Variants in SOX5 observed in about 807,000 individuals in gnomAD.
SOX5 encodes transcription factor SOX-5.
In SOX5, 9 loss-of-function variants were observed where a neutral mutation model predicts 92.0. The ratio of observed to expected loss-of-function variants is 0.10; its 90% confidence interval spans 0.06 to 0.17. SOX5 has a LOEUF of 0.17. Among genes scored for constraint, SOX5 ranks in the 10% least tolerant of loss-of-function variants. SOX5 has a pLI of 1.00. For missense variants in SOX5, 642 were observed against 944.5 expected (o/e 0.68, Z 4.20); for synonymous variants, 344 against 336.3 (o/e 1.02, Z -0.25).
At chr12:23,698,861 G>C (rs549240995) in intron 6 of SOX5, among the ~76,000 whole-genome samples, 21 of 152,204 alleles carry the variant, frequency 1.4e-4, no homozygotes, top group African/African-American at 5.1e-4. Context: ...AAATTAACTT[G>C]GTTCCACAAC....
intron 4 of SOX5, among the ~76,000 whole-genome samples, chr12:23,986,663 G>A (rs1344912386): frequency 2.6e-5 from 4 of 152,130 alleles, no homozygotes; most frequent in East Asian, 1.9e-4. Flanking sequence ...TATCATGGAC[G>A]TGAATGATTT....
At chr12:23,607,687 T>C (rs964236754) in intron 8 of SOX5, among the ~76,000 whole-genome samples, 1 of 152,084 alleles carries the variant, frequency 6.6e-6, no homozygotes, top group Non-Finnish European at 1.5e-5. Flanking sequence ...ACAGAACCAT[T>C]GGTTGACCTT....
In SOX5 at chr12:24,068,731, TATATATATATATATATAC is replaced by T. The variant is rs1489459847; in HGVS notation, c.-2+144594_-2+144611del. ...ATATATATATATATATATATATATA[TATATATATATATATATAC>T]ACACACACACATTAGTTCCTAGTTT... On this transcript the variant is annotated intron_variant, in intron 4 of 4. Transcript: ENST00000446891. 4.5e-3 allele frequency among the ~76,000 whole-genome samples: 417 copies of T among 92,054 alleles called. 2 individuals carry two copies. The highest frequency in any genetic ancestry group is 6.8e-3 in the Non-Finnish European group (296 of 43,270). The allele number at this position is 92,054 out of a possible 152,430, so 60.4% of individuals were successfully genotyped here. A position where few individuals can be genotyped will look rare whatever the true frequency, so the allele number is the denominator to read the frequency against.
intron 2 of SOX5, among the ~76,000 whole-genome samples, chr12:24,327,385 C>CTTTTTTTTTTTTTTTT (rs71063311): frequency 5.3e-5 from 3 of 56,656 alleles, no homozygotes; most frequent in Non-Finnish European, 6.5e-5. Flanking sequence ...GCAATGGAGA[C>CTTTTTTTTTTTTTTTT]TTTTTTTTTT....
At chr12:23,893,711 G>A (rs1428955644) in intron 2 of SOX5, among the ~76,000 whole-genome samples, 2 of 152,144 alleles carry the variant, frequency 1.3e-5, no homozygotes, top group African/African-American at 4.8e-5. Flanking sequence ...AGTGATGAAA[G>A]TATTAAAAGT....
chr12:23,998,460 G>A (rs1951245409), intron 4 of SOX5, among the ~76,000 whole-genome samples: 1 of 151,884 alleles, frequency 6.6e-6, no homozygotes, highest in South Asian at 2.1e-4. Flanking sequence ...AATACTTCAA[G>A]TATACCAACA....
At chr12:23,607,778 C>T (rs1017346847) in intron 8 of SOX5, among the ~76,000 whole-genome samples, 2 of 152,094 alleles carry the variant, frequency 1.3e-5, no homozygotes, top group Non-Finnish European at 2.9e-5. Context: ...CTATACAATC[C>T]ACTTATGTTT....
chr12:23,607,944 G>C (rs916665512), intron 8 of SOX5, among the ~76,000 whole-genome samples: 3 of 151,726 alleles, frequency 2.0e-5, no homozygotes, highest in African/African-American at 7.3e-5. Context: ...ACAAACAGGT[G>C]ACACTAAACA....
intron 3 of SOX5, among the ~76,000 whole-genome samples, chr12:24,275,355 A>G (rs1944316124): frequency 6.6e-6 from 1 of 152,154 alleles, no homozygotes; most frequent in Admixed American, 6.5e-5. Flanking sequence ...ATGTGCATAC[A>G]TGTGTGTACA....
intron 1 of SOX5, among the ~76,000 whole-genome samples, chr12:23,916,740 G>T (rs754800054): frequency 1.3e-5 from 2 of 152,066 alleles, no homozygotes; most frequent in Non-Finnish European, 2.9e-5. Context: ...AACCCACAGG[G>T]AATTATCAAG....
At chr12:23,667,053 G>GA (rs1476492261) in intron 6 of SOX5, among the ~76,000 whole-genome samples, 3 of 152,052 alleles carry the variant, frequency 2.0e-5, no homozygotes, top group Non-Finnish European at 4.4e-5. Context: ...TGAGTGTGGG[G>GA]GGCAGCGAGG....
chr12:23,622,661 G>A (rs909320950), intron 8 of SOX5, among the ~76,000 whole-genome samples: 18 of 152,026 alleles, frequency 1.2e-4, no homozygotes, highest in Admixed American at 5.2e-4. Flanking sequence ...TCAACACTGC[G>A]TCAACTTACC....
At chr12:24,439,355 G>A (rs1256351448) in intron 1 of SOX5, among the ~76,000 whole-genome samples, 2 of 152,122 alleles carry the variant, frequency 1.3e-5, no homozygotes, top group African/African-American at 4.8e-5. Flanking sequence ...GCGGTGGTCT[G>A]GAACTGAACT....
intron 4 of SOX5, among the ~76,000 whole-genome samples, chr12:24,183,918 C>A (rs1477355972): frequency 1.3e-5 from 2 of 152,130 alleles, no homozygotes; most frequent in Non-Finnish European, 2.9e-5. Flanking sequence ...TTTGTGAGAA[C>A]TGATGTATGT....
At chr12:24,015,207 G>A (rs1477100289) in intron 4 of SOX5, among the ~76,000 whole-genome samples, 5 of 151,836 alleles carry the variant, frequency 3.3e-5, no homozygotes, top group South Asian at 2.1e-4. Flanking sequence ...AGCGAGTGTC[G>A]CCTAGGTAAC....
At chr12:23,772,925 A>T (rs2094979732) in intron 3 of SOX5, among the ~76,000 whole-genome samples, 1 of 152,162 alleles carries the variant, frequency 6.6e-6, no homozygotes, top group Non-Finnish European at 1.5e-5. Flanking sequence ...GCACATGACA[A>T]CATTTTGCTT....
intron 9 of SOX5, chr12:23,584,645 T>A: frequency 6.7e-7 from 1 of 1,483,620 alleles, no homozygotes. Context: ...AGTTAACTGA[T>A]ATAAACCATG....
At chr12:24,213,049 C>G in intron 4 of SOX5, among the ~76,000 whole-genome samples, 1 of 151,834 alleles carries the variant, frequency 6.6e-6, no homozygotes, top group Admixed American at 6.6e-5. Flanking sequence ...AGTTTCACTT[C>G]AAAACAGTTT....
intron 3 of SOX5, among the ~76,000 whole-genome samples, chr12:23,777,850 A>G (rs2095155429): frequency 6.6e-6 from 1 of 152,234 alleles, no homozygotes; most frequent in Non-Finnish European, 1.5e-5. Flanking sequence ...GAGTAAGCTG[A>G]CACATGATAC....
Sources: allele counts gnomAD v4.1 joint callset (sites outside exome capture counted in the v4.1 genomes callset), GRCh38; gene constraint gnomAD v4.1.1; transcripts MANE v1.5; gene names NCBI Gene and HGNC (gene_info 2026-07-23, HGNC 2026-07-21).